NCOR2: variants seen among roughly 807,000 people sequenced by gnomAD.
The protein encoded by NCOR2 is nuclear receptor corepressor 2, also known as CTG repeat protein 26.
Under a neutral mutation model 262.9 loss-of-function variants are expected in NCOR2, and 81 were observed. The ratio of observed to expected loss-of-function variants is 0.31; its 90% CI spans 0.26 to 0.37. The LOEUF (loss-of-function observed/expected upper bound fraction) is 0.37. Ranked by LOEUF, NCOR2 falls within the 10% of genes least tolerant of loss-of-function variation. The pLI, the probability that NCOR2 is intolerant of heterozygous loss-of-function variation, is 1.00. For missense variants in NCOR2, 3,385 were observed against 3,621.4 expected, an observed-to-expected ratio of 0.93 and a Z score of 1.68; for synonymous variants, 1,659 against 1,559.3, an observed-to-expected ratio of 1.06 and a Z score of -1.51.
chr12:124,416,611 C>A (rs1338268246), intron 13 of NCOR2, among the ~76,000 whole-genome samples: 2 of 143,788 alleles, frequency 1.4e-5, no homozygotes, highest in Non-Finnish European at 3.0e-5. Flanking sequence ...ATAGACCCCG[C>A]GGCACAGGGA....
At position 124,432,113 on chromosome 12, in the gene NCOR2, A is replaced by G. The variant is rs2043989089; in HGVS notation, c.883-1326T>C. Among the ~76,000 whole-genome samples the G allele has an allele frequency of 6.6e-6, 1 of 151,958 alleles. No individual in the cohort carries two copies. The highest frequency in any genetic ancestry group is 1.5e-5 in the Non-Finnish European group (1 of 67,966). ...CACACACACGGTCATCCAGGCAGACATATGACAGACACACACACAGTCGCA... is the reference window on the plus strand; with the variant it reads ...CACACACACGGTCATCCAGGCAGACGTATGACAGACACACACACAGTCGCA... On this transcript the variant is annotated intron_variant, in intron 8 of 46. Coordinates refer to ENST00000405201, the Ensembl canonical transcript of NCOR2. This position sits in a 1 kb window ranked among gnomAD's most constrained non-coding sequence, Gnocchi z 5.1.
intron 7 of NCOR2, among the ~76,000 whole-genome samples, chr12:124,441,468 C>G (rs1161018669): frequency 6.6e-6 from 1 of 152,204 alleles, no homozygotes; most frequent in Non-Finnish European, 1.5e-5. Context: ...GATCTTTCTT[C>G]TAGAGTTCCA....
At chr12:124,438,411 AGT>A (rs1273564016) in intron 7 of NCOR2, among the ~76,000 whole-genome samples, 1 of 151,898 alleles carries the variant, frequency 6.6e-6, no homozygotes. Flanking sequence ...CGGGTGTCAG[AGT>A]GTGGCCTGTG....
chr12:124,517,500 A>G lies in NCOR2; in HGVS notation c.-118+18065T>C, dbSNP rs2049884469. On this transcript the variant is annotated intron_variant, in intron 1 of 46. Transcript: ENST00000404621. The surrounding 1 kb of genome is among the most constrained non-coding windows in gnomAD (Gnocchi z 7.6). ...TCAAACCAGACATGGGCACCGAGCC[A>G]AGCGCCACCTCGGTGGGGAGCCGGG... 6.6e-6 allele frequency among the ~76,000 whole-genome samples: 1 copy of G among 152,258 alleles called. No homozygotes were observed. The highest frequency in any genetic ancestry group is 2.1e-4 in the South Asian group (1 of 4,816).
chr12:124,495,623 C>G (rs1437024455), upstream of NCOR2, among the ~76,000 whole-genome samples: 9 of 152,194 alleles, frequency 5.9e-5, no homozygotes, highest in Admixed American at 5.9e-4. The surrounding 1 kb of genome is among the most constrained non-coding windows in gnomAD (Gnocchi z 4.4). Flanking sequence ...CAGGCCTTCA[C>G]CCGGCAGGCA....
At position 124,350,982 on chromosome 12, in the gene NCOR2, T is replaced by G. The variant is rs1297707001; in HGVS notation, c.3694-245A>C. ...CTGTTCTGGGTGCTCTCTATGGATT[T>G]GCTCATTTAATCCTCGAAACAACCC... On this transcript the variant is annotated intron_variant, in intron 27 of 46. Transcript: ENST00000405201. Among the ~76,000 whole-genome samples the G allele has an allele frequency of 2.7e-4, 41 of 152,234 alleles. 1 individual carries two copies. The highest frequency in any genetic ancestry group is 2.6e-3 in the Admixed American group (39 of 15,278).
rs572002741 is a variant in NCOR2, at chr12:124,338,730, A to T, written c.5687+1276T>A. 4.6e-5 allele frequency among the ~76,000 whole-genome samples: 7 copies of T among 151,940 alleles called. No individual in the cohort carries two copies. The East Asian group carries it at 1.4e-3, about 29-fold the overall frequency. On this transcript the variant is annotated intron_variant, in intron 37 of 46. Coordinates refer to ENST00000405201, the Ensembl canonical transcript of NCOR2. ...TGGGGGACCGGGAAAGTCTTTCCTC[A>T]CAGTCCCCATTCAGTCTCTCCCTCT...
chr12:124,357,399 C>A (rs749437472), intron 22 of NCOR2, among the ~76,000 whole-genome samples: 4 of 152,200 alleles, frequency 2.6e-5, no homozygotes, highest in Non-Finnish European at 4.4e-5. Flanking sequence ...AGGGATCTTC[C>A]CACTTCAGGC....
intron 31 of NCOR2, among the ~76,000 whole-genome samples, chr12:124,345,717 G>C (rs2036867574): frequency 6.6e-6 from 1 of 152,210 alleles, no homozygotes; most frequent in Non-Finnish European, 1.5e-5. Flanking sequence ...TAGGGGCTGA[G>C]AGCCAAACCC....
intron 20 of NCOR2, among the ~76,000 whole-genome samples, chr12:124,365,563 G>A (rs1326722507): frequency 1.3e-5 from 2 of 152,234 alleles, no homozygotes; most frequent in Non-Finnish European, 2.9e-5. Context: ...CCAGCCTGCT[G>A]TCTGCATCTG....
intron 1 of NCOR2, among the ~76,000 whole-genome samples, chr12:124,553,119 G>T (rs2051766863): frequency 1.3e-5 from 2 of 152,154 alleles, no homozygotes; most frequent in Non-Finnish European, 2.9e-5. Flanking sequence ...ACCCTTTATG[G>T]CTTCTAGCGG....
chr12:124,362,287 T>G lies in NCOR2; in HGVS notation c.2939A>C (p.Lys980Thr), dbSNP rs146881270. Residue 980 changes from lysine (K) to threonine (T), a missense_variant, in exon 22 of 47, where the codon AAA (lysine) becomes ACA (threonine). This residue lies in a region of NCOR2 where 1,615 missense variants were observed against 1,626.9 expected (regional missense o/e 0.99). Coordinates refer to ENST00000405201, the Ensembl canonical transcript of NCOR2. ...GTCCTCCCGGGGGGGCTCATGGACT[T>G]TGGTGACCTGCTGAGGGAAGCAGGC... 6.9e-4 allele frequency: 909 copies of G among 1,316,898 alleles called. 21 individuals are homozygous for G. In the East Asian group the frequency reaches 0.021, roughly 31 times the overall value. The allele number at this position is 1,316,898 out of a possible 1,614,324, so 81.6% of individuals were successfully genotyped here.
intron 13 of NCOR2, among the ~76,000 whole-genome samples, chr12:124,413,833 G>A (rs1423541054): frequency 6.6e-6 from 1 of 152,196 alleles, no homozygotes; most frequent in Admixed American, 6.5e-5. Context: ...GGCACTGAGA[G>A]AGAAAGAGAC....
exon 37 of NCOR2, chr12:124,340,146 G>A: frequency 6.2e-7 from 1 of 1,602,344 alleles, no homozygotes; most frequent in Non-Finnish European, 8.5e-7. Context: ...GGGAGTGGGA[G>A]GCGGGGCGGC....
intron 1 of NCOR2, among the ~76,000 whole-genome samples, chr12:124,501,306 GA>G (rs1301049523): frequency 6.6e-6 from 1 of 152,072 alleles, no homozygotes; most frequent in Non-Finnish European, 1.5e-5. Flanking sequence ...ACTCACTGTG[GA>G]ATAAGCACCT....
intron 13 of NCOR2, among the ~76,000 whole-genome samples, chr12:124,404,252 C>T (rs1039590250): frequency 1.3e-5 from 2 of 152,178 alleles, no homozygotes; most frequent in African/African-American, 2.4e-5. Flanking sequence ...GCCTTGGCCC[C>T]TGGGCTGCCC....
intron 22 of NCOR2, among the ~76,000 whole-genome samples, chr12:124,357,588 G>A (rs551311872): frequency 2.8e-4 from 42 of 152,348 alleles, no homozygotes; most frequent in African/African-American, 9.9e-4. Flanking sequence ...GAGCCCCCAC[G>A]CCTGGCCCCG....
intron 28 of NCOR2, among the ~76,000 whole-genome samples, chr12:124,349,251 C>G (rs1187644042): frequency 2.0e-5 from 3 of 152,206 alleles, no homozygotes; most frequent in Admixed American, 6.5e-5. Flanking sequence ...CTTTGCCCAT[C>G]TAGCCAGGGC....
Position 124,389,343 on chromosome 12 carries a change from A to G in NCOR2, c.1877-3456T>C, listed in dbSNP as rs920727237. 7.9e-5 allele frequency among the ~76,000 whole-genome samples: 12 copies of G among 151,954 alleles called. No homozygotes were observed. The highest frequency in any genetic ancestry group is 2.9e-4 in the African/African-American group (12 of 41,424). On this transcript the variant is annotated intron_variant, in intron 16 of 46. Coordinates refer to ENST00000405201, the Ensembl canonical transcript of NCOR2. This position sits in a 1 kb window ranked among gnomAD's most constrained non-coding sequence, Gnocchi z 4.4. Reference sequence around the variant, plus strand: ...AGGACTGAATGTGACCTCCAGACGGAGGCTCGCGGCGGGCGGGCAGGCGGG... The same window carrying G: ...AGGACTGAATGTGACCTCCAGACGGGGGCTCGCGGCGGGCGGGCAGGCGGG...
Sources: allele counts gnomAD v4.1 joint callset (sites outside exome capture counted in the v4.1 genomes callset), GRCh38; gene constraint gnomAD v4.1.1; regional missense constraint gnomAD v4.1.1; non-coding constraint Gnocchi (gnomAD v3.1); transcripts MANE v1.5; gene names NCBI Gene and HGNC (gene_info 2026-07-23, HGNC 2026-07-21).